The following NODAL variants were observed in gnomAD, a reference collection of about 807,000 sequenced individuals.
NODAL encodes the protein nodal growth differentiation factor.
In NODAL, 12 loss-of-function variants were observed where a neutral mutation model predicts 34.0. The observed-to-expected ratio is 0.35, with a 90% CI of 0.23 to 0.57. NODAL has a LOEUF of 0.57. Ranked by LOEUF, NODAL falls within the 20% of genes least tolerant of loss-of-function variation. The probability of loss-of-function intolerance (pLI) is 0.83; values close to 1 mark genes in which losing one functional copy is unlikely to be tolerated. For missense variants in NODAL, 390 were observed against 444.2 expected (o/e 0.88, Z 1.10); for synonymous variants, 162 against 186.4 (o/e 0.87, Z 1.07).
Position 70,432,849 on chromosome 10 carries a change from C to T in NODAL, c.*87G>A. 6.5e-7 allele frequency: 1 copy of T among 1,527,388 alleles called. No individual in the cohort carries two copies. Among genetic ancestry groups the T allele is most frequent in the East Asian group, 2.3e-5 (1 of 44,386 alleles). The allele number at this position is 1,527,388 out of a possible 1,614,324, so 94.6% of individuals were successfully genotyped here. A position where few individuals can be genotyped will look rare whatever the true frequency, so the allele number is the denominator to read the frequency against. On this transcript the variant is annotated 3_prime_UTR_variant, in exon 3 of 3. Transcript: ENST00000287139. ...GCAACTTTGCCCCTCTCTGTTTCTC[C>T]TTACTGGATTAGATGGTTATCATGT...
At chr10:70,443,368 C>T (rs937433450), upstream of NODAL, among the ~76,000 whole-genome samples, 3 of 152,198 alleles carry the variant, frequency 2.0e-5, no homozygotes, top group African/African-American at 4.8e-5. Context: ...CCATCATCAT[C>T]GTTGGAACCC....
intron 1 of NODAL, chr10:70,447,873 A>C: frequency 2.1e-6 from 1 of 471,104 alleles, no homozygotes; most frequent in Admixed American, 2.3e-5. Context: ...AACCTACGTG[A>C]ATGAATTCAA....
intron 2 of NODAL, chr10:70,434,828 C>T: frequency 5.2e-6 from 1 of 193,124 alleles, no homozygotes; most frequent in Non-Finnish European, 1.1e-5. Flanking sequence ...TACAGCATCC[C>T]TCTGAAATAT....
In NODAL at chr10:70,435,682, G is replaced by A; in HGVS notation, c.495C>T (p.His165=). Residue 165 remains histidine (H), a synonymous_variant, in exon 2 of 3, where the codon CAC becomes CAT. Coordinates refer to ENST00000287139, the MANE Select transcript of NODAL (RefSeq NM_018055.5). ...ACATCTGCTTCTCCAGGGCCCCAGG[G>A]TGCTTCAGCCACTTGGAGAGAGGCC... ...VTRPLSKWLK[H]PGALEKQMSR... 6.2e-7 allele frequency: 1 copy of A among 1,614,102 alleles called. No individual in the cohort carries two copies. Among genetic ancestry groups the A allele is most frequent in the Non-Finnish European group, 8.5e-7 (1 of 1,179,958 alleles).
chr10:70,436,558 CAA>C (rs71472966), intron 1 of NODAL: 9 of 96,856 alleles, frequency 9.3e-5, no homozygotes, highest in Non-Finnish European at 1.4e-4. Context: ...AACTCTGTCT[CAA>C]AAAAAAAAAA....
chr10:70,436,063 C>T (rs1352843011), intron 1 of NODAL, 80 bp from the exon 2 acceptor site: 2 of 1,207,612 alleles, frequency 1.7e-6, no homozygotes, highest in Non-Finnish European at 2.5e-6. Flanking sequence ...ACCACCATAG[C>T]TCTTGCTGGA....
intron 1 of NODAL, among the ~76,000 whole-genome samples, chr10:70,441,195 A>G (rs547103765): frequency 4.6e-5 from 7 of 152,370 alleles, no homozygotes; most frequent in African/African-American, 7.2e-5. Context: ...TCCCAAACCA[A>G]AACCCAGAGA....
intron 1 of NODAL, 83 bp downstream of exon 1, chr10:70,441,392 C>T (rs1480066231): frequency 7.5e-6 from 11 of 1,471,486 alleles, no homozygotes; most frequent in Middle Eastern, 2.3e-4. Context: ...CCCCAACCCA[C>T]AGCACTTCCC....
upstream of NODAL, among the ~76,000 whole-genome samples, chr10:70,443,527 A>T (rs773391771): frequency 1.6e-4 from 24 of 152,148 alleles, no homozygotes; most frequent in Middle Eastern, 3.2e-3. Context: ...CTTTAAAAAA[A>T]AAAAATAAAA....
chr10:70,444,818 T>G (rs1337958545), upstream of NODAL, among the ~76,000 whole-genome samples: 1 of 152,188 alleles, frequency 6.6e-6, no homozygotes, highest in Non-Finnish European at 1.5e-5. Context: ...CCGTAGAGGA[T>G]GATGCATGCG....
upstream of NODAL, among the ~76,000 whole-genome samples, chr10:70,445,068 G>T (rs1845472295): frequency 6.6e-6 from 1 of 152,128 alleles, no homozygotes; most frequent in African/African-American, 2.4e-5. Flanking sequence ...GCAGGAGTCA[G>T]ACGCAGTGAA....
chr10:70,437,298 C>T lies in NODAL; in HGVS notation c.194-1315G>A, dbSNP rs1434256497. Among the ~76,000 whole-genome samples the T allele has an allele frequency of 3.9e-5, 6 of 152,100 alleles. No individual in the cohort carries two copies. In the South Asian group the frequency reaches 6.2e-4, roughly 16 times the overall value. ...TCTCTACTAAAAATACAAAATTAGC[C>T]GGGTGTGGTGGCTCACGCCTAATCC... On this transcript the variant is annotated intron_variant, in intron 1 of 2. Transcript: ENST00000287139.
chr10:70,436,333 G>A (rs1186287406), intron 1 of NODAL: 4 of 361,158 alleles, frequency 1.1e-5, no homozygotes, highest in Non-Finnish European at 2.1e-5. Context: ...CAGTAAAAAT[G>A]TGATGAGTTG....
At chr10:70,441,370 C>T in intron 1 of NODAL, 105 bp downstream of exon 1, 3 of 1,327,204 alleles carry the variant, frequency 2.3e-6, no homozygotes, top group Non-Finnish European at 3.1e-6. Flanking sequence ...AAACCCGGCT[C>T]GGAGCCGCAG....
At chr10:70,440,481 G>C (rs372420881) in intron 1 of NODAL, among the ~76,000 whole-genome samples, 1 of 152,152 alleles carries the variant, frequency 6.6e-6, no homozygotes, top group Non-Finnish European at 1.5e-5. Flanking sequence ...CACAAGGGGC[G>C]GGCAGGCGGC....
At chr10:70,441,203 AGACAATGGTCCCCGTCGAGGACACACCCT>A (rs1845425698) in intron 1 of NODAL, among the ~76,000 whole-genome samples, 1 of 152,262 alleles carries the variant, frequency 6.6e-6, no homozygotes, top group South Asian at 2.1e-4. Context: ...CAAAACCCAG[AGACAATGGTCCCCGTCGAGGACACACCCT>A]GAACGCTAGA....
intron 2 of NODAL, among the ~76,000 whole-genome samples, chr10:70,433,317 C>A (rs1400670377): frequency 6.6e-6 from 1 of 151,646 alleles, no homozygotes; most frequent in African/African-American, 2.4e-5. Context: ...TAAACAGATT[C>A]AAAAAATTAC....
chr10:70,435,147 C>T (rs1845327401), intron 2 of NODAL, 139 bp downstream of exon 2: 2 of 762,560 alleles, frequency 2.6e-6, no homozygotes, highest in Admixed American at 2.2e-5. Flanking sequence ...ATGCCTGGTA[C>T]CTAGCACAGG....
intron 2 of NODAL, 73 bp from the exon 3 acceptor site, chr10:70,433,161 G>A: frequency 6.3e-7 from 1 of 1,576,450 alleles, no homozygotes; most frequent in Non-Finnish European, 8.7e-7. Context: ...TGGGTAAAGA[G>A]TAAAAAAGTT....
Sources: gnomAD v4.1 joint callset for allele counts (sites outside exome capture counted in the v4.1 genomes callset) on GRCh38, gnomAD v4.1.1 for gene constraint, MANE v1.5 for transcripts, NCBI Gene and HGNC (gene_info 2026-07-23, HGNC 2026-07-21) for gene names.